The following PRKG1 variants were observed in gnomAD, a reference collection of about 807,000 sequenced individuals.
The protein encoded by PRKG1 is protein kinase cGMP-dependent 1, also known as cGMP-dependent protein kinase 1.
A neutral mutation model predicts 88.1 loss-of-function variants in PRKG1; 35 were observed. That is an observed-to-expected ratio of 0.40 (90% CI 0.30 to 0.53). The LOEUF is 0.53. PRKG1 is among the 20% of genes least tolerant of loss of function. The pLI is 0.59. For synonymous variants in PRKG1, 303 were observed against 292.5 expected (o/e 1.04, Z -0.37); for missense variants, 540 against 839.8 (o/e 0.64, Z 4.41).
intron 1 of PRKG1, among the ~76,000 whole-genome samples, chr10:51,128,417 A>G (rs964208548): frequency 6.6e-6 from 1 of 152,222 alleles, no homozygotes; most frequent in Non-Finnish European, 1.5e-5. Context: ...CATTAAAATT[A>G]AGTGAATTTC....
chr10:51,852,292 T>C (rs1250728105), intron 4 of PRKG1, among the ~76,000 whole-genome samples: 2 of 150,524 alleles, frequency 1.3e-5, no homozygotes, highest in Non-Finnish European at 3.0e-5. Context: ...CCTAATACTG[T>C]TTTTTCTCCA....
rs149620931 is a variant in PRKG1 at position 52,191,837 on chromosome 10, T to A, written c.1076+29874T>A. 2.8e-3 allele frequency among the ~76,000 whole-genome samples: 433 copies of A among 152,266 alleles called. 2 individuals carry two copies. The highest frequency in any genetic ancestry group is 0.01 in the African/African-American group (420 of 41,530). ...TGCCTGAATCAGCTATCTCATTAGG[T>A]TTTTAATAGAATTATTATCCAATTT... On this transcript the variant is annotated intron_variant, in intron 9 of 17. Transcript: ENST00000373980.
chr10:51,705,023 C>T (rs1841571631), intron 3 of PRKG1, among the ~76,000 whole-genome samples: 1 of 152,156 alleles, frequency 6.6e-6, no homozygotes, highest in South Asian at 2.1e-4. Flanking sequence ...TACGTAGCTT[C>T]ATTCTCATTA....
At chr10:51,077,759 A>C (rs12767015) in intron 1 of PRKG1, among the ~76,000 whole-genome samples, 1 of 152,090 alleles carries the variant, frequency 6.6e-6, no homozygotes, top group Non-Finnish European at 1.5e-5. Flanking sequence ...TAGATACAAT[A>C]CTTATGTGAA....
intron 3 of PRKG1, among the ~76,000 whole-genome samples, chr10:51,578,193 C>T (rs1837936729): frequency 6.6e-6 from 1 of 152,096 alleles, no homozygotes; most frequent in Non-Finnish European, 1.5e-5. Context: ...TCTAAGCACA[C>T]TTCAATTAGA....
rs1395210284 is a variant in PRKG1, at chr10:52,033,457, C to CT, written c.763-21024dup. The stretch of plus-strand genomic sequence containing the variant: ...CCTGCGTGTTTTCTCTTAACCCTCT[C>CT]TTTCTGGGTTCCATTGCTAAGCGAG... On this transcript the variant is annotated intron_variant, in intron 5 of 17. Transcript: ENST00000373980. Among the ~76,000 whole-genome samples the CT allele has an allele frequency of 2.0e-5, 3 of 152,180 alleles. No homozygotes were observed. The East Asian group carries it at 5.8e-4, about 29-fold the overall frequency.
intron 5 of PRKG1, among the ~76,000 whole-genome samples, chr10:51,919,533 AT>A (rs5784891): frequency 3.0e-4 from 44 of 149,136 alleles, no homozygotes; most frequent in African/African-American, 8.6e-4. Context: ...CATTCTGCAG[AT>A]TTTTTTTTTT....
intron 1 of PRKG1, among the ~76,000 whole-genome samples, chr10:51,079,496 G>A (rs1844052263): frequency 1.3e-5 from 2 of 152,204 alleles, no homozygotes; most frequent in South Asian, 4.1e-4. Context: ...CAAAGTGACA[G>A]CACAGAAAAA....
chr10:51,681,020 C>G (rs1435721165), intron 3 of PRKG1, among the ~76,000 whole-genome samples: 3 of 152,148 alleles, frequency 2.0e-5, no homozygotes, highest in African/African-American at 7.2e-5. Context: ...AGTTGACTAC[C>G]TGTTTTAATA....
chr10:51,150,404 G>A (rs760994660), intron 1 of PRKG1, among the ~76,000 whole-genome samples: 4 of 152,096 alleles, frequency 2.6e-5, no homozygotes, highest in Non-Finnish European at 5.9e-5. Flanking sequence ...ACTAATGAGA[G>A]TTGACCTAAG....
At chr10:52,004,207 C>T (rs765329381) in intron 5 of PRKG1, among the ~76,000 whole-genome samples, 2 of 152,004 alleles carry the variant, frequency 1.3e-5, no homozygotes, top group South Asian at 2.1e-4. Flanking sequence ...CTGTAAACTC[C>T]GGGATGGCAG....
At chr10:51,535,070 C>G (rs755516222) in intron 3 of PRKG1, among the ~76,000 whole-genome samples, 16 of 151,992 alleles carry the variant, frequency 1.1e-4, no homozygotes, top group South Asian at 6.2e-4. Flanking sequence ...GATAGGGGTA[C>G]TTTGGAAGTA....
intron 7 of PRKG1, among the ~76,000 whole-genome samples, chr10:52,101,064 A>G (rs918910669): frequency 1.3e-5 from 2 of 152,198 alleles, no homozygotes; most frequent in Non-Finnish European, 2.9e-5. Flanking sequence ...TATACCTGCC[A>G]TTCATATTGA....
chr10:52,282,685 C>A (rs1261277564), intron 14 of PRKG1, among the ~76,000 whole-genome samples: 1 of 152,024 alleles, frequency 6.6e-6, no homozygotes, highest in Non-Finnish European at 1.5e-5. Context: ...GTAAGAGGAC[C>A]TGTTAGCAAC....
chr10:51,485,019 T>G (rs925922738), intron 3 of PRKG1, among the ~76,000 whole-genome samples: 2 of 152,172 alleles, frequency 1.3e-5, no homozygotes, highest in African/African-American at 4.8e-5. Context: ...CTAGGGAAAT[T>G]TGAGCTTCAG....
At chr10:52,129,263 T>C (rs79705433) in intron 7 of PRKG1, among the ~76,000 whole-genome samples, 1,577 of 152,270 alleles carry the variant, frequency 0.01, 21 homozygotes, top group East Asian at 0.051. Flanking sequence ...ATTAAGACCT[T>C]TGTATTATAT....
chr10:51,918,030 T>C (rs1286651565), intron 5 of PRKG1, among the ~76,000 whole-genome samples: 1 of 152,224 alleles, frequency 6.6e-6, no homozygotes, highest in Non-Finnish European at 1.5e-5. Context: ...TTCCACTTAT[T>C]GATGCAAACT....
intron 5 of PRKG1, among the ~76,000 whole-genome samples, chr10:51,966,783 A>T (rs191309885): frequency 1.4e-4 from 22 of 152,300 alleles, no homozygotes; most frequent in Admixed American, 3.9e-4. Context: ...CTCTTTGTCC[A>T]GGCCAGCCTT....
chr10:51,129,122 C>T (rs1034067094), intron 1 of PRKG1, among the ~76,000 whole-genome samples: 5 of 152,058 alleles, frequency 3.3e-5, no homozygotes, highest in East Asian at 1.9e-4. Context: ...CTTTTATATG[C>T]GTCATCTCAG....
Sources: allele counts gnomAD v4.1 joint callset (sites outside exome capture counted in the v4.1 genomes callset), GRCh38; gene constraint gnomAD v4.1.1; transcripts MANE v1.5; gene names NCBI Gene and HGNC (gene_info 2026-07-23, HGNC 2026-07-21).